Variants in MCU observed in about 807,000 individuals in gnomAD.
MCU encodes calcium uniporter protein, mitochondrial.
In MCU, 12 loss-of-function variants were observed where a neutral mutation model predicts 45.2. The ratio of observed to expected loss-of-function variants is 0.27; its 90% confidence interval spans 0.17 to 0.43. The LOEUF is 0.43. Among genes scored for constraint, MCU ranks in the 20% least tolerant of loss-of-function variants. The pLI, the probability that MCU is intolerant of heterozygous loss-of-function variation, is 1.00. For synonymous variants in MCU, 160 were observed against 165.1 expected (o/e 0.97, Z 0.24); for missense variants, 324 against 436.7 (o/e 0.74, Z 2.30).
At chr10:72,878,899 A>G (rs1208733338) in intron 6 of MCU, among the ~76,000 whole-genome samples, 1 of 152,236 alleles carries the variant, frequency 6.6e-6, no homozygotes, top group African/African-American at 2.4e-5. Context: ...TTAATGGCTG[A>G]GAATTTTCCA....
intron 1 of MCU, among the ~76,000 whole-genome samples, chr10:72,824,197 CTTTTT>C (rs35710019): frequency 7.4e-6 from 1 of 135,206 alleles, no homozygotes; most frequent in Non-Finnish European, 1.6e-5. Context: ...TGATTTCTTT[CTTTTT>C]TTTTTTTTTT....
intron 1 of MCU, among the ~76,000 whole-genome samples, chr10:72,794,046 C>CT (rs952277770): frequency 1.3e-5 from 2 of 152,268 alleles, no homozygotes; most frequent in African/African-American, 2.4e-5. Flanking sequence ...AGTATCAACT[C>CT]TAAGTCTAGG....
intron 1 of MCU, among the ~76,000 whole-genome samples, chr10:72,805,103 C>CTTTCTT (rs1310245236): frequency 1.1e-5 from 1 of 88,638 alleles, no homozygotes; most frequent in Non-Finnish European, 2.2e-5. Flanking sequence ...CTTTCTTTCT[C>CTTTCTT]TTTCTTTCTT....
At chr10:72,694,545 G>A (rs982974359) in intron 1 of MCU, among the ~76,000 whole-genome samples, 1 of 152,186 alleles carries the variant, frequency 6.6e-6, no homozygotes, top group African/African-American at 2.4e-5. Context: ...AGTAGGTGTT[G>A]ATTTGAGTAC....
At chr10:72,698,543 C>T (rs541742688) in intron 1 of MCU, among the ~76,000 whole-genome samples, 10 of 152,298 alleles carry the variant, frequency 6.6e-5, no homozygotes, top group South Asian at 2.1e-4. Flanking sequence ...CTTACTCTGT[C>T]GCCCAGGCTG....
At chr10:72,862,703 C>T (rs112913954) in intron 4 of MCU, among the ~76,000 whole-genome samples, 143 of 152,220 alleles carry the variant, frequency 9.4e-4, no homozygotes, top group African/African-American at 3.4e-3. Context: ...AGTACTGGTT[C>T]GCACCCCAGG....
intron 1 of MCU, 96 bp from the exon 2 acceptor site, chr10:72,834,263 T>A: frequency 1.3e-6 from 1 of 763,086 alleles, no homozygotes; most frequent in Non-Finnish European, 2.0e-6. Context: ...TGCATATTAC[T>A]TAAGTAATCA....
chr10:72,862,260 C>T (rs1033146002), intron 4 of MCU, among the ~76,000 whole-genome samples: 4 of 152,226 alleles, frequency 2.6e-5, no homozygotes, highest in South Asian at 2.1e-4. Flanking sequence ...GGATTACAGG[C>T]GTGAGCCACC....
chr10:72,755,841 T>A (rs1843568642), intron 1 of MCU, among the ~76,000 whole-genome samples: 1 of 144,834 alleles, frequency 6.9e-6, no homozygotes, highest in Admixed American at 6.9e-5. Context: ...TTGAAACCAT[T>A]TTTTTTTTTT....
At chr10:72,739,850 T>C (rs940345462) in intron 1 of MCU, among the ~76,000 whole-genome samples, 4 of 151,946 alleles carry the variant, frequency 2.6e-5, no homozygotes, top group African/African-American at 9.7e-5. Flanking sequence ...CTAATTTTTG[T>C]ATTTTTGGTA....
chr10:72,706,479 A>G (rs1473645448), intron 1 of MCU, among the ~76,000 whole-genome samples: 1 of 152,014 alleles, frequency 6.6e-6, no homozygotes, highest in Non-Finnish European at 1.5e-5. Flanking sequence ...TTACAGTACA[A>G]AAGTGTCGGT....
chr10:72,785,704 AC>A (rs1844061698), intron 1 of MCU, among the ~76,000 whole-genome samples: 1 of 152,314 alleles, frequency 6.6e-6, no homozygotes, highest in South Asian at 2.1e-4. Context: ...CTGTAGTAAG[AC>A]CCTTACAAGG....
chr10:72,791,600 G>A (rs1194800324), intron 1 of MCU, among the ~76,000 whole-genome samples: 1 of 151,984 alleles, frequency 6.6e-6, no homozygotes, highest in Non-Finnish European at 1.5e-5. Context: ...GTAGATATAG[G>A]ATAAGTTATT....
At chr10:72,741,162 C>T (rs775826831) in intron 1 of MCU, among the ~76,000 whole-genome samples, 8 of 149,506 alleles carry the variant, frequency 5.4e-5, no homozygotes, top group South Asian at 4.2e-4. Flanking sequence ...TGCAGTGGCA[C>T]GATCTCGGCC....
intron 1 of MCU, among the ~76,000 whole-genome samples, chr10:72,741,114 T>G (rs76442194): frequency 1.3e-4 from 19 of 150,538 alleles, no homozygotes; most frequent in African/African-American, 2.4e-4. Flanking sequence ...TTTTTTTTTT[T>G]TGTGTGACGG....
At chr10:72,767,639 C>T (rs543342289) in intron 1 of MCU, among the ~76,000 whole-genome samples, 3 of 151,992 alleles carry the variant, frequency 2.0e-5, no homozygotes, top group Admixed American at 6.6e-5. Flanking sequence ...CAATTCTTTG[C>T]GCCTGACCCA....
chr10:72,761,023 A>G (rs917762543), intron 1 of MCU, among the ~76,000 whole-genome samples: 1 of 152,160 alleles, frequency 6.6e-6, no homozygotes, highest in South Asian at 2.1e-4. Flanking sequence ...GCCAGGCAGG[A>G]TACAAAGGTT....
At position 72,692,290 on chromosome 10, in the gene MCU, C is replaced by G; in HGVS notation, c.139C>G (p.His47Asp). ...CGTCAGCCGCCACCGGCAGCAGCAG[C>G]ACCACCGGACGGTGAGCGAGCGCGC... Reference protein sequence around the residue: ...LGVSRHRQQQHHRTVHQRIAS... With the variant: ...LGVSRHRQQQDHRTVHQRIAS... Residue 47 changes from histidine to aspartate, a missense_variant, in exon 1 of 8, where the codon CAC becomes GAC. Physicochemically the swap from His to Asp is moderately conservative, Grantham distance 81 (BLOSUM62 -1). Transcript: ENST00000373053. 1 of 1,222,554 alleles carries G rather than the reference C, an allele frequency of 8.2e-7. No homozygotes were observed. The highest frequency in any genetic ancestry group is 1.0e-6 in the Non-Finnish European group (1 of 980,612). The allele number at this position is 1,222,554 out of a possible 1,614,324, so 75.7% of individuals were successfully genotyped here. A position where few individuals can be genotyped will look rare whatever the true frequency, so the allele number is the denominator to read the frequency against.
At chr10:72,829,763 T>A (rs1280465519) in intron 1 of MCU, among the ~76,000 whole-genome samples, 1 of 152,198 alleles carries the variant, frequency 6.6e-6, no homozygotes, top group Non-Finnish European at 1.5e-5. Flanking sequence ...GGTTCTTTGA[T>A]CTTGAGCTCT....
Sources: allele counts gnomAD v4.1 joint callset (sites outside exome capture counted in the v4.1 genomes callset), GRCh38; gene constraint gnomAD v4.1.1; transcripts MANE v1.5; gene names NCBI Gene and HGNC (gene_info 2026-07-23, HGNC 2026-07-21).